Variants in KATNA1 observed in about 807,000 individuals in gnomAD.
KATNA1 encodes katanin p60 ATPase-containing subunit A1.
A neutral mutation model predicts 62.6 loss-of-function variants in KATNA1; 42 were observed. The observed-to-expected ratio is 0.67, with a 90% CI of 0.52 to 0.87. The LOEUF (loss-of-function observed/expected upper bound fraction) is 0.87, where lower values mean the gene tolerates loss of function less well. Ranked by LOEUF, KATNA1 falls within the 40% of genes least tolerant of loss-of-function variation. KATNA1 has a pLI of 0.00. For synonymous variants in KATNA1, 186 were observed against 201.9 expected (o/e 0.92, Z 0.67); for missense variants, 498 against 612.5 (o/e 0.81, Z 1.97).
chr6:149,636,414 AT>A (rs1780065952), intron 2 of KATNA1, among the ~76,000 whole-genome samples: 1 of 151,930 alleles, frequency 6.6e-6, no homozygotes, highest in Non-Finnish European at 1.5e-5. Flanking sequence ...TCTGTAAAAA[AT>A]AAATAAATAA....
At chr6:149,639,017 G>A (rs542897803) in intron 1 of KATNA1, among the ~76,000 whole-genome samples, 1 of 151,818 alleles carries the variant, frequency 6.6e-6, no homozygotes, top group Non-Finnish European at 1.5e-5. Flanking sequence ...GGGATTACAG[G>A]CATGAGCCAC....
At chr6:149,606,002 C>T (rs1465708599) in intron 4 of KATNA1, among the ~76,000 whole-genome samples, 3 of 152,068 alleles carry the variant, frequency 2.0e-5, no homozygotes, top group African/African-American at 2.4e-5. Context: ...TCAAGTGATC[C>T]GCCCACCTCG....
chr6:149,633,812 C>A (rs185308015), intron 2 of KATNA1, among the ~76,000 whole-genome samples: 87 of 151,838 alleles, frequency 5.7e-4, no homozygotes, highest in African/African-American at 1.9e-3. Flanking sequence ...ATTGCATAGC[C>A]GGGTGTGGTG....
intron 4 of KATNA1, among the ~76,000 whole-genome samples, chr6:149,620,566 T>C (rs1245137189): frequency 6.6e-6 from 1 of 152,144 alleles, no homozygotes; most frequent in African/African-American, 2.4e-5. Context: ...AGTGATGGGA[T>C]TACAGGAGTG....
At chr6:149,616,758 A>G (rs1320031744) in intron 4 of KATNA1, among the ~76,000 whole-genome samples, 1 of 152,200 alleles carries the variant, frequency 6.6e-6, no homozygotes, top group Non-Finnish European at 1.5e-5. Flanking sequence ...TGTCTTAAAA[A>G]AAAAATTAAA....
intron 1 of KATNA1, among the ~76,000 whole-genome samples, chr6:149,646,394 T>C (rs111827262): frequency 1.2e-4 from 19 of 152,196 alleles, no homozygotes; most frequent in Non-Finnish European, 4.4e-5. Context: ...AGCCCAATCA[T>C]GCATCTTCCT....
intron 1 of KATNA1, among the ~76,000 whole-genome samples, chr6:149,639,345 A>T (rs1780196082): frequency 6.6e-6 from 1 of 152,006 alleles, no homozygotes; most frequent in Non-Finnish European, 1.5e-5. Context: ...TCACACCTGT[A>T]ATCCCAACAC....
Position 149,632,812 on chromosome 6 carries a change from G to T in KATNA1, c.267C>A (p.Asp89Glu). 1 of 1,613,864 alleles carries T rather than the reference G, an allele frequency of 6.2e-7. No individual in the cohort carries two copies. Among genetic ancestry groups the T allele is most frequent in the Non-Finnish European group, 8.5e-7 (1 of 1,179,918 alleles). The change falls in exon 3 of 11, where the codon GAC (aspartate) becomes GAA (glutamate). Residue 89 changes from aspartate (D) to glutamate (E), a missense_variant. Asp to Glu is a conservative substitution (Grantham distance 45). Transcript: ENST00000367411. ...DSTPLKAAQH[D>E]LPASEGEVWS... ...AGACTTCTCCCTCAGAAGCTGGAAG[G>T]TCATGCTGTGCCGCTTTCAAGGGAG...
intron 5 of KATNA1, 51 bp downstream of exon 5, chr6:149,604,610 A>C (rs1207715474): frequency 1.2e-6 from 2 of 1,602,456 alleles, no homozygotes; most frequent in Non-Finnish European, 1.7e-6. Flanking sequence ...TCCATTTTCC[A>C]TTCCGAATAG....
chr6:149,604,626 C>T, intron 5 of KATNA1, 35 bp downstream of exon 5: 2 of 1,611,106 alleles, frequency 1.2e-6, no homozygotes, highest in Non-Finnish European at 1.7e-6. Flanking sequence ...AATAGCATCA[C>T]CAGCACCCAA....
intron 4 of KATNA1, among the ~76,000 whole-genome samples, chr6:149,621,603 T>C (rs1012078493): frequency 6.6e-6 from 1 of 150,624 alleles, no homozygotes; most frequent in Admixed American, 6.6e-5. Context: ...AGTGATTCTC[T>C]GGCCTCAGCC....
At chr6:149,630,364 C>T (rs1470360554) in intron 3 of KATNA1, among the ~76,000 whole-genome samples, 1 of 152,218 alleles carries the variant, frequency 6.6e-6, no homozygotes, top group African/African-American at 2.4e-5. Flanking sequence ...TGCGGTGGCT[C>T]ACGCCTATAA....
At chr6:149,638,887 C>T (rs375601302) in intron 1 of KATNA1, among the ~76,000 whole-genome samples, 3 of 152,018 alleles carry the variant, frequency 2.0e-5, no homozygotes, top group East Asian at 3.9e-4. Context: ...CAGGCACCCA[C>T]CGCCATGCCC....
At chr6:149,607,517 G>C (rs764473679) in intron 4 of KATNA1, among the ~76,000 whole-genome samples, 2 of 152,118 alleles carry the variant, frequency 1.3e-5, no homozygotes, top group Non-Finnish European at 2.9e-5. Context: ...AAGAGGCTGA[G>C]AGGAGAATCG....
chr6:149,618,997 T>A (rs1779292463), intron 4 of KATNA1, among the ~76,000 whole-genome samples: 1 of 152,098 alleles, frequency 6.6e-6, no homozygotes, highest in Non-Finnish European at 1.5e-5. Flanking sequence ...AAAACTAAAA[T>A]GCTTCTGCAC....
intron 4 of KATNA1, among the ~76,000 whole-genome samples, chr6:149,617,939 A>AAAATAAATAAATAAATAAATAAATAAAT (rs1333260724): frequency 1.7e-4 from 23 of 133,560 alleles, no homozygotes; most frequent in Admixed American, 8.1e-4. Flanking sequence ...CTTGTCTCCA[A>AAAATAAATAAATAAATAAATAAATAAAT]AAATAAATAA....
In KATNA1 at chr6:149,595,134, C is replaced by T; in HGVS notation, c.1378G>A (p.Glu460Lys). The T allele has an allele frequency of 6.2e-7, 1 of 1,613,934 alleles. No individual in the cohort carries two copies. Among genetic ancestry groups the T allele is most frequent in the South Asian group, 1.1e-5 (1 of 91,080 alleles). ...TTTTTTAAAGCCATCTCGAAATCCT[C>T]CATAGTTGTAGGCATGTGCATTTCT... ...KEEMHMPTTMEDFEMALKKVS... is the reference protein window; with the variant it reads ...KEEMHMPTTMKDFEMALKKVS... The change falls in exon 11 of 11, where the codon GAG becomes AAG. Residue 460 changes from glutamate (E) to lysine (K), a missense_variant. Glu to Lys is a moderately conservative substitution (Grantham distance 56). Coordinates refer to ENST00000367411, the MANE Select transcript of KATNA1 (RefSeq NM_007044.4).
Position 149,626,292 on chromosome 6 carries a change from C to CTT in KATNA1, c.321-3011_321-3010dup, listed in dbSNP as rs544379629. 1.0e-3 allele frequency among the ~76,000 whole-genome samples: 90 copies of CTT among 88,722 alleles called. 8 individuals are homozygous for CTT. The highest frequency in any genetic ancestry group is 2.7e-3 in the African/African-American group (51 of 18,714). 58.2% of individuals were successfully genotyped at this position (88,722 alleles called of 152,430 possible). ...GAAACAACTATTTATATAACATTTA[C>CTT]TTTTTTTTTTTTTTTTTTTTGAGAC... On this transcript the variant is annotated intron_variant, in intron 3 of 10. Coordinates refer to ENST00000367411, the MANE Select transcript of KATNA1 (RefSeq NM_007044.4).
chr6:149,598,596 G>A (rs1056585371), intron 7 of KATNA1, among the ~76,000 whole-genome samples: 1 of 151,868 alleles, frequency 6.6e-6, no homozygotes, highest in Non-Finnish European at 1.5e-5. Context: ...GGTTACACGT[G>A]TCTGAGTCCC....
Sources: allele counts gnomAD v4.1 joint callset (sites outside exome capture counted in the v4.1 genomes callset), GRCh38; gene constraint gnomAD v4.1.1; transcripts MANE v1.5; gene names NCBI Gene and HGNC (gene_info 2026-07-23, HGNC 2026-07-21).